Variants in FRMPD4 observed in about 807,000 individuals in gnomAD.
The protein encoded by FRMPD4 is FERM and PDZ domain containing 4, also known as FERM and PDZ domain-containing protein 4.
In FRMPD4, 22 loss-of-function variants were observed where a neutral mutation model predicts 94.1. The ratio of observed to expected loss-of-function variants is 0.23; its 90% CI spans 0.17 to 0.33. The LOEUF is 0.33. Among genes scored for constraint, FRMPD4 ranks in the 10% least tolerant of loss-of-function variants. The pLI, the probability that FRMPD4 is intolerant of heterozygous loss-of-function variation, is 1.00. For missense variants in FRMPD4, 1,111 were observed against 1,339.9 expected, an observed-to-expected ratio of 0.83 and a Z score of 2.67; for synonymous variants, 631 against 548.6, an observed-to-expected ratio of 1.15 and a Z score of -2.10.
chrX:12,439,038 G>C (rs138412465), intron 1 of FRMPD4, among the ~76,000 whole-genome samples: 284 of 110,921 alleles, frequency 2.6e-3, no homozygotes, highest in Admixed American at 4.0e-3. Flanking sequence ...AGATGACAGA[G>C]GTAGTGACTC....
At chrX:11,942,330 C>G (rs1259165077) in intron 3 of FRMPD4, among the ~76,000 whole-genome samples, 1 of 108,189 alleles carries the variant, frequency 9.2e-6, no homozygotes, top group Non-Finnish European at 1.9e-5. Flanking sequence ...CTGCCTCAGC[C>G]TCCTGAGTAG....
At chrX:12,504,054 A>G (rs1456714543) in intron 2 of FRMPD4, among the ~76,000 whole-genome samples, 1 of 112,257 alleles carries the variant, frequency 8.9e-6, no homozygotes. Context: ...TTCCTACTTT[A>G]TCAAGCCTAC....
intron 3 of FRMPD4, among the ~76,000 whole-genome samples, chrX:12,111,532 A>G (rs1490150327): frequency 5.4e-5 from 6 of 111,525 alleles, no homozygotes; most frequent in Non-Finnish European, 9.4e-5. Flanking sequence ...TGTCTAAAAC[A>G]CCAAAAGCAA....
At chrX:12,665,728 G>A (rs879216913) in intron 4 of FRMPD4, among the ~76,000 whole-genome samples, 5 of 111,929 alleles carry the variant, frequency 4.5e-5, no homozygotes, top group Non-Finnish European at 7.5e-5. Flanking sequence ...CAAATGCTGA[G>A]AGATTTTGTC....
intron 1 of FRMPD4, among the ~76,000 whole-genome samples, chrX:12,482,810 C>T (rs1205802844): frequency 1.8e-5 from 2 of 111,916 alleles, no homozygotes; most frequent in Non-Finnish European, 3.8e-5. Context: ...TCCTACTAAG[C>T]CTTGGAAATC....
At chrX:12,300,357 G>A (rs1204556986) in intron 1 of FRMPD4, among the ~76,000 whole-genome samples, 2 of 111,921 alleles carry the variant, frequency 1.8e-5, no homozygotes, top group Non-Finnish European at 3.8e-5. Context: ...ACAACCAGGG[G>A]AGGGCCAGTA....
At chrX:12,221,900 G>A (rs1282539126) in intron 1 of FRMPD4, among the ~76,000 whole-genome samples, 1 of 112,076 alleles carries the variant, frequency 8.9e-6, no homozygotes, top group Non-Finnish European at 1.9e-5. Context: ...GGAATATAAA[G>A]TGTCATTAAG....
At chrX:12,167,816 T>C (rs930264809) in intron 1 of FRMPD4, among the ~76,000 whole-genome samples, 1 of 112,177 alleles carries the variant, frequency 8.9e-6, no homozygotes, top group Non-Finnish European at 1.9e-5. Flanking sequence ...GATATATATA[T>C]TAAGAAAACC....
At chrX:12,616,660 T>G (rs1048429112) in intron 4 of FRMPD4, among the ~76,000 whole-genome samples, 1 of 112,315 alleles carries the variant, frequency 8.9e-6, no homozygotes, top group East Asian at 2.8e-4. Context: ...ATAGAAAGAC[T>G]CTGTATGTAA....
intron 1 of FRMPD4, among the ~76,000 whole-genome samples, chrX:12,489,682 G>C (rs980466370): frequency 1.8e-5 from 2 of 112,058 alleles, no homozygotes; most frequent in Non-Finnish European, 3.8e-5. Flanking sequence ...CCATATTACC[G>C]CTAAAGGCAA....
intron 1 of FRMPD4, among the ~76,000 whole-genome samples, chrX:12,436,133 G>A (rs2057064031): frequency 9.0e-6 from 1 of 110,852 alleles, no homozygotes; most frequent in Non-Finnish European, 1.9e-5. Flanking sequence ...AGCCTCCAGA[G>A]TAGCTGGGAT....
Position 11,935,072 on chromosome X carries a change from A to ATTTTTTT in FRMPD4, c.95+57071_95+57077dup, listed in dbSNP as rs753999126. 4.5e-3 allele frequency among the ~76,000 whole-genome samples: 179 copies of ATTTTTTT among 39,976 alleles called. 1 individual carries two copies. Among genetic ancestry groups the ATTTTTTT allele is most frequent in the Non-Finnish European group, 5.4e-3 (121 of 22,350 alleles). 34.7% of individuals were successfully genotyped at this position (39,976 alleles called of 115,157 possible). ...GGATTTCTAGCAGCAACTATTGGTG[A>ATTTTTTT]TTTTTTTTTTTTTTTTTTTTTTTAA... On this transcript the variant is annotated intron_variant, in intron 3 of 18. Transcript: ENST00000640291.
At chrX:12,262,361 C>T (rs1309898734) in intron 1 of FRMPD4, among the ~76,000 whole-genome samples, 7 of 111,871 alleles carry the variant, frequency 6.3e-5, no homozygotes, top group Admixed American at 1.9e-4. Context: ...CCTCCTGCCT[C>T]GGTCTCCCAA....
At chrX:12,444,087 G>A (rs2057168270) in intron 1 of FRMPD4, among the ~76,000 whole-genome samples, 1 of 110,331 alleles carries the variant, frequency 9.1e-6, no homozygotes, top group Admixed American at 9.7e-5. Flanking sequence ...CTCACTGTAT[G>A]TTGTTCTGCC....
At chrX:12,617,299 A>T (rs902764344) in intron 4 of FRMPD4, among the ~76,000 whole-genome samples, 2 of 112,478 alleles carry the variant, frequency 1.8e-5, no homozygotes, top group Admixed American at 9.4e-5. Flanking sequence ...TTCAGATTTT[A>T]GTATCCATAA....
At chrX:12,252,475 G>A (rs1274971924) in intron 1 of FRMPD4, among the ~76,000 whole-genome samples, 2 of 112,123 alleles carry the variant, frequency 1.8e-5, no homozygotes, top group African/African-American at 6.5e-5. Flanking sequence ...AACAATAATA[G>A]TTCATGAAAA....
intron 3 of FRMPD4, among the ~76,000 whole-genome samples, chrX:12,069,434 A>G (rs747497651): frequency 8.9e-6 from 1 of 111,887 alleles, no homozygotes; most frequent in Non-Finnish European, 1.9e-5. Context: ...ATGGGAGTCC[A>G]GGCAACTTGT....
intron 3 of FRMPD4, among the ~76,000 whole-genome samples, chrX:12,119,583 A>G (rs1258583697): frequency 8.9e-6 from 1 of 112,304 alleles, no homozygotes; most frequent in Non-Finnish European, 1.9e-5. Context: ...TAAGAGGGAA[A>G]GAAAATAAAG....
At chrX:11,917,602 A>G (rs1004538026) in intron 3 of FRMPD4, among the ~76,000 whole-genome samples, 4 of 112,290 alleles carry the variant, frequency 3.6e-5, no homozygotes, top group Non-Finnish European at 5.6e-5. Context: ...ACATGGATAC[A>G]GCTGGAGGCT....
Sources: gnomAD v4.1 joint callset for allele counts (sites outside exome capture counted in the v4.1 genomes callset) on GRCh38, gnomAD v4.1.1 for gene constraint, MANE v1.5 for transcripts, NCBI Gene and HGNC (gene_info 2026-07-23, HGNC 2026-07-21) for gene names.